Variants in ALG14 observed in about 807,000 individuals in gnomAD.
ALG14 encodes ALG14 UDP-N-acetylglucosaminyltransferase subunit.
ALG14 carries 17 observed loss-of-function variants against 22.8 expected under a neutral mutation model. The ratio of observed to expected loss-of-function variants is 0.75; its 90% CI spans 0.51 to 1.12. The LOEUF (loss-of-function observed/expected upper bound fraction) is 1.12. ALG14 is among the 50% of genes most tolerant of loss of function. The pLI, the probability that ALG14 is intolerant of heterozygous loss-of-function variation, is 0.00. For missense variants in ALG14, 288 were observed against 271.8 expected (o/e 1.06, Z -0.42); for synonymous variants, 89 against 103.7 (o/e 0.86, Z 0.86).
At chr1:95,024,331 G>A (rs1029145101) in intron 3 of ALG14, among the ~76,000 whole-genome samples, 1 of 152,102 alleles carries the variant, frequency 6.6e-6, no homozygotes, top group Non-Finnish European at 1.5e-5. Flanking sequence ...AAGTCTACCT[G>A]TTGTTTCTTT....
At chr1:95,028,577 G>A (rs959999389) in intron 2 of ALG14, among the ~76,000 whole-genome samples, 5 of 152,134 alleles carry the variant, frequency 3.3e-5, no homozygotes, top group African/African-American at 7.2e-5. Context: ...GAGCACTCTG[G>A]GAGACCCAGG....
intron 3 of ALG14, among the ~76,000 whole-genome samples, chr1:94,992,501 C>T (rs775675113): frequency 6.6e-5 from 10 of 152,006 alleles, no homozygotes; most frequent in Non-Finnish European, 1.2e-4. Context: ...AAGAGGATGA[C>T]GAATGAAGAT....
At chr1:95,067,765 C>G (rs1675424256) in intron 1 of ALG14, among the ~76,000 whole-genome samples, 1 of 152,156 alleles carries the variant, frequency 6.6e-6, no homozygotes, top group Non-Finnish European at 1.5e-5. Context: ...AACATAACAT[C>G]CCGTGTGACC....
At chr1:94,999,275 C>T (rs1672994204) in intron 3 of ALG14, among the ~76,000 whole-genome samples, 1 of 145,062 alleles carries the variant, frequency 6.9e-6, no homozygotes, top group South Asian at 2.2e-4. Flanking sequence ...AAGACATAGT[C>T]CACAAAGTTA....
intron 3 of ALG14, chr1:95,022,262 A>G: frequency 1.0e-6 from 1 of 952,660 alleles, no homozygotes; most frequent in Non-Finnish European, 1.3e-6. Context: ...AATGTGAAAC[A>G]GAAGCTATAA....
chr1:95,013,779 A>C (rs1180995418), intron 3 of ALG14, among the ~76,000 whole-genome samples: 2 of 152,206 alleles, frequency 1.3e-5, no homozygotes, highest in East Asian at 1.9e-4. Context: ...TTATAGGCCT[A>C]GTGAGAAAAC....
At chr1:95,048,670 T>G (rs552306320) in intron 2 of ALG14, among the ~76,000 whole-genome samples, 1 of 152,302 alleles carries the variant, frequency 6.6e-6, no homozygotes, top group African/African-American at 2.4e-5. Context: ...CTCTCCAATT[T>G]TTGCTGGAAG....
At chr1:95,036,387 C>T in intron 2 of ALG14, among the ~76,000 whole-genome samples, 1 of 151,624 alleles carries the variant, frequency 6.6e-6, no homozygotes, top group East Asian at 1.9e-4. Context: ...GAGGCCTCCC[C>T]AGCCATGTGG....
chr1:95,014,867 C>A (rs1425379647), intron 3 of ALG14, among the ~76,000 whole-genome samples: 4 of 152,130 alleles, frequency 2.6e-5, no homozygotes, highest in African/African-American at 9.7e-5. Flanking sequence ...AAAAGTAATT[C>A]AATGAATAGC....
intron 2 of ALG14, among the ~76,000 whole-genome samples, chr1:95,049,852 CAAAG>C (rs1443164221): frequency 2.0e-5 from 3 of 151,910 alleles, no homozygotes; most frequent in African/African-American, 4.8e-5. Flanking sequence ...GCCTGGGTGA[CAAAG>C]AGAGATCCCG....
rs540804947 is a variant in ALG14, at chr1:94,979,887, C to T, written c.*3189G>A. On this transcript the variant is annotated 3_prime_UTR_variant, in exon 4 of 4. Transcript: ENST00000370205. ...TTGAAGGCGGACAAGATTTGGGTGT[C>T]TGCTCATTGTGCGCCAGGGCTGAAG... The T allele has an allele frequency of 6.6e-6, 1 of 152,356 alleles. No homozygotes were observed. The highest frequency in any genetic ancestry group is 1.9e-4 in the East Asian group (1 of 5,178). 9.4% of individuals were successfully genotyped at this position (152,356 alleles called of 1,614,324 possible).
intron 2 of ALG14, among the ~76,000 whole-genome samples, chr1:95,033,051 C>G (rs547927193): frequency 2.0e-5 from 3 of 152,228 alleles, no homozygotes; most frequent in Admixed American, 2.0e-4. Context: ...CAGGAATTAC[C>G]TAGGGGTTCT....
At chr1:95,062,080 T>G (rs1201201798) in intron 2 of ALG14, 1 of 152,166 alleles carries the variant, frequency 6.6e-6, no homozygotes, top group Non-Finnish European at 1.5e-5. Flanking sequence ...AAGTATGATT[T>G]GGAGAAGAAA....
At chr1:95,034,723 C>G (rs1674127270) in intron 2 of ALG14, among the ~76,000 whole-genome samples, 2 of 152,190 alleles carry the variant, frequency 1.3e-5, no homozygotes, top group Admixed American at 6.5e-5. Flanking sequence ...CTTTCCCCAA[C>G]ATATAAGGAG....
chr1:95,069,537 TA>T (rs1675491009), intron 1 of ALG14, among the ~76,000 whole-genome samples: 1 of 152,214 alleles, frequency 6.6e-6, no homozygotes, highest in African/African-American at 2.4e-5. Flanking sequence ...TGTTATACAT[TA>T]ACCAGATTCC....
chr1:94,990,050 G>A (rs886509955), intron 3 of ALG14, among the ~76,000 whole-genome samples: 1 of 152,182 alleles, frequency 6.6e-6, no homozygotes, highest in Non-Finnish European at 1.5e-5. Flanking sequence ...GTGCTCCAGG[G>A]TACGGAAAGG....
chr1:95,045,180 G>A (rs1415183379), intron 2 of ALG14, among the ~76,000 whole-genome samples: 9 of 152,078 alleles, frequency 5.9e-5, no homozygotes, highest in Non-Finnish European at 8.8e-5. Flanking sequence ...TTCTGAACTT[G>A]TATTACTTGA....
intron 2 of ALG14, among the ~76,000 whole-genome samples, chr1:95,036,799 G>A (rs1262232568): frequency 1.3e-5 from 2 of 152,170 alleles, no homozygotes; most frequent in Non-Finnish European, 2.9e-5. Flanking sequence ...GACTAATACA[G>A]TCCCATGATG....
intron 2 of ALG14, among the ~76,000 whole-genome samples, chr1:95,035,494 C>T (rs1352814115): frequency 6.6e-6 from 1 of 152,078 alleles, no homozygotes; most frequent in Non-Finnish European, 1.5e-5. Context: ...GATGTATAAT[C>T]AAATATATGG....
Sources: gnomAD v4.1 joint callset for allele counts (sites outside exome capture counted in the v4.1 genomes callset) on GRCh38, gnomAD v4.1.1 for gene constraint, MANE v1.5 for transcripts, NCBI Gene and HGNC (gene_info 2026-07-23, HGNC 2026-07-21) for gene names.